Variants in ATP9B observed in about 807,000 individuals in gnomAD.
The protein encoded by ATP9B is ATPase phospholipid transporting 9B, also known as probable phospholipid-transporting ATPase IIB.
A neutral mutation model predicts 146.1 loss-of-function variants in ATP9B; 110 were observed. The observed-to-expected ratio is 0.75, with a 90% CI of 0.65 to 0.88. The LOEUF (loss-of-function observed/expected upper bound fraction) is 0.88, where lower values mean the gene tolerates loss of function less well. Among genes scored for constraint, ATP9B ranks in the 40% least tolerant of loss-of-function variants. ATP9B has a pLI of 0.00. For missense variants in ATP9B, 1,499 were observed against 1,496.4 expected (o/e 1.00, Z -0.03); for synonymous variants, 604 against 569.7 (o/e 1.06, Z -0.86).
chr18:79,072,979 A>G (rs1369939587), intron 1 of ATP9B, among the ~76,000 whole-genome samples: 1 of 151,702 alleles, frequency 6.6e-6, no homozygotes, highest in African/African-American at 2.4e-5. Context: ...GACGCTCCTC[A>G]CTTCCTAGAC....
intron 7 of ATP9B, among the ~76,000 whole-genome samples, chr18:79,158,479 C>A (rs2094829389): frequency 1.3e-5 from 2 of 152,104 alleles, no homozygotes; most frequent in Non-Finnish European, 2.9e-5. Flanking sequence ...TAGAGACAGG[C>A]TGTGTCTGTT....
chr18:79,364,417 G>A (rs904077134), intron 26 of ATP9B: 1 of 152,170 alleles, frequency 6.6e-6, no homozygotes, highest in African/African-American at 2.4e-5. Context: ...AGAAAAGAGA[G>A]CCCAGAAATA....
intron 1 of ATP9B, among the ~76,000 whole-genome samples, chr18:79,072,073 C>T (rs1033333083): frequency 6.6e-6 from 1 of 151,394 alleles, no homozygotes; most frequent in Non-Finnish European, 1.5e-5. Flanking sequence ...TAGGCTCTTT[C>T]CCTGTTTCTT....
At chr18:79,265,631 C>G (rs1454544179) in intron 12 of ATP9B, among the ~76,000 whole-genome samples, 1 of 151,956 alleles carries the variant, frequency 6.6e-6, no homozygotes, top group African/African-American at 2.4e-5. Flanking sequence ...AATTTTCTCC[C>G]ACTCTGTAGG....
intron 17 of ATP9B, among the ~76,000 whole-genome samples, chr18:79,333,981 C>G (rs141951774): frequency 2.3e-3 from 347 of 152,274 alleles, no homozygotes; most frequent in Non-Finnish European, 4.1e-3. Flanking sequence ...GCGAATCTTT[C>G]GGGACCTTCC....
intron 13 of ATP9B, among the ~76,000 whole-genome samples, chr18:79,302,488 C>G (rs1345389117): frequency 6.6e-6 from 1 of 152,156 alleles, no homozygotes; most frequent in African/African-American, 2.4e-5. Context: ...CACCACACAT[C>G]GCAGCACGCT....
chr18:79,169,274 A>G (rs72994296), intron 7 of ATP9B, among the ~76,000 whole-genome samples: 9,267 of 152,286 alleles, frequency 0.061, 366 homozygotes, highest in Non-Finnish European at 0.092. Flanking sequence ...AGGTCCTTCT[A>G]GAACCTCTTA....
intron 11 of ATP9B, among the ~76,000 whole-genome samples, chr18:79,218,346 T>C (rs2148460315): frequency 6.7e-6 from 1 of 148,890 alleles, no homozygotes; most frequent in East Asian, 2.0e-4. Flanking sequence ...CTGGCCAGGC[T>C]GGCAGCTCCT....
chr18:79,328,002 GGTTA>G (rs2096768612), intron 15 of ATP9B, among the ~76,000 whole-genome samples: 1 of 147,924 alleles, frequency 6.8e-6, no homozygotes, highest in Non-Finnish European at 1.5e-5. Context: ...TGCTCTCCGT[GGTTA>G]GCGTGCTCTC....
At chr18:79,159,868 A>G (rs910860166) in intron 7 of ATP9B, among the ~76,000 whole-genome samples, 3 of 152,174 alleles carry the variant, frequency 2.0e-5, no homozygotes, top group African/African-American at 7.2e-5. Context: ...TGTGATGTAC[A>G]TGTTCTTCCT....
At chr18:79,347,957 G>A (rs79647570) in intron 24 of ATP9B, 32 bp downstream of exon 24, 68,109 of 1,607,856 alleles carry the variant, frequency 0.042, 1,762 homozygotes, top group Non-Finnish European at 0.046. Context: ...CACCCATGGA[G>A]GGCAGGGTCC....
At chr18:79,370,964 A>G (rs1467399261) in intron 26 of ATP9B, among the ~76,000 whole-genome samples, 1 of 152,254 alleles carries the variant, frequency 6.6e-6, no homozygotes, top group Admixed American at 6.5e-5. Context: ...TTCGTGACCA[A>G]AGACCAAACA....
intron 5 of ATP9B, among the ~76,000 whole-genome samples, chr18:79,129,443 G>A (rs1157194861): frequency 6.6e-6 from 1 of 152,160 alleles, no homozygotes; most frequent in Non-Finnish European, 1.5e-5. Context: ...TGAGGCTGCC[G>A]CACAGAGCCA....
In ATP9B at chr18:79,372,959, T is replaced by C. The variant is rs2097081238; in HGVS notation, c.3070+77T>C. On this transcript the variant is annotated intron_variant, in intron 27 of 29. Transcript: ENST00000426216. ...TTTTGTTAGCAATATTGTTTTTACT[T>C]GCAGATTAAATTCCAACAGCTTAAA... The C allele has an allele frequency of 2.8e-6, 3 of 1,054,506 alleles. No individual in the cohort carries two copies. The African/African-American group carries it at 4.7e-5, about 17-fold the overall frequency. The allele number at this position is 1,054,506 out of a possible 1,614,324, so 65.3% of individuals were successfully genotyped here. A position where few individuals can be genotyped will look rare whatever the true frequency, so the allele number is the denominator to read the frequency against.
At chr18:79,346,744 C>T (rs1291883604) in intron 23 of ATP9B, among the ~76,000 whole-genome samples, 2 of 152,222 alleles carry the variant, frequency 1.3e-5, no homozygotes, top group Admixed American at 1.3e-4. Flanking sequence ...ATTTTACACT[C>T]AGCACATACT....
intron 6 of ATP9B, among the ~76,000 whole-genome samples, chr18:79,152,683 A>C (rs911011823): frequency 1.3e-5 from 2 of 152,086 alleles, no homozygotes; most frequent in African/African-American, 4.8e-5. Context: ...TTTGGCTTTC[A>C]CATTTAGAGC....
chr18:79,354,459 C>T (rs2096938696), intron 25 of ATP9B: 1 of 150,214 alleles, frequency 6.7e-6, no homozygotes, highest in African/African-American at 2.5e-5. Context: ...GTCCTAGCTA[C>T]TCAGGAGGCT....
rs773407508 is a variant in ATP9B at position 79,374,094 on chromosome 18, A to C, written c.3267A>C (p.Glu1089Asp). Residue 1089 changes from glutamate (E) to aspartate (D), a missense_variant, in exon 28 of 30, where the codon GAA becomes GAC. Coordinates refer to ENST00000426216, the MANE Select transcript of ATP9B (RefSeq NM_198531.5). ...CYVSSLAFLN[E>D]YFGIGRVSFG... Reference sequence around the variant, plus strand: ...TGTCCTCACTCGCTTTTCTCAATGAATATTTTGGTAAGTTGCCTTGGAATT... The same window carrying C: ...TGTCCTCACTCGCTTTTCTCAATGACTATTTTGGTAAGTTGCCTTGGAATT... 1 of 1,614,044 alleles carries C rather than the reference A, an allele frequency of 6.2e-7. No individual in the cohort carries two copies. Among genetic ancestry groups the C allele is most frequent in the Non-Finnish European group, 8.5e-7 (1 of 1,179,986 alleles).
intron 13 of ATP9B, among the ~76,000 whole-genome samples, chr18:79,277,516 C>T (rs1282107875): frequency 6.6e-6 from 1 of 151,954 alleles, no homozygotes; most frequent in African/African-American, 2.4e-5. Context: ...TCCCTAGTGG[C>T]TTATTAAGAG....
Sources: allele counts gnomAD v4.1 joint callset (sites outside exome capture counted in the v4.1 genomes callset), GRCh38; gene constraint gnomAD v4.1.1; transcripts MANE v1.5; gene names NCBI Gene and HGNC (gene_info 2026-07-23, HGNC 2026-07-21).